The following TMEM178A variants were observed in gnomAD, a reference collection of about 807,000 sequenced individuals.
TMEM178A encodes the protein transmembrane protein 178A.
A neutral mutation model predicts 29.1 loss-of-function variants in TMEM178A; 12 were observed. That is an observed-to-expected ratio of 0.41 (90% confidence interval 0.26 to 0.67). TMEM178A has a LOEUF of 0.67. TMEM178A is among the 30% of genes least tolerant of loss of function. The pLI is 0.29. For missense variants in TMEM178A, 366 were observed against 419.1 expected, an observed-to-expected ratio of 0.87 and a Z score of 1.11; for synonymous variants, 210 against 187.2, an observed-to-expected ratio of 1.12 and a Z score of -0.99.
At chr2:39,695,560 T>C (rs1441436200) in intron 1 of TMEM178A, among the ~76,000 whole-genome samples, 1 of 151,674 alleles carries the variant, frequency 6.6e-6, no homozygotes, top group Non-Finnish European at 1.5e-5. Flanking sequence ...GTTTTTGGAC[T>C]GTTCTAAAGT....
chr2:39,707,556 C>T (rs910502447), intron 3 of TMEM178A, among the ~76,000 whole-genome samples: 4 of 152,222 alleles, frequency 2.6e-5, no homozygotes, highest in African/African-American at 9.6e-5. Context: ...ACTGCAACCT[C>T]TGTCTCCTGG....
At chr2:39,666,597 G>A (rs892373160) in intron 1 of TMEM178A, among the ~76,000 whole-genome samples, 1 of 151,850 alleles carries the variant, frequency 6.6e-6, no homozygotes, top group Non-Finnish European at 1.5e-5. Flanking sequence ...TCCACATCCT[G>A]CGCGTCCTTT....
chr2:39,686,982 T>C (rs1385208280), intron 1 of TMEM178A, among the ~76,000 whole-genome samples: 1 of 143,114 alleles, frequency 7.0e-6, no homozygotes, highest in African/African-American at 2.8e-5. Context: ...TGTGTGTGTG[T>C]GTGTGTGTGT....
the TMEM178A span, among the ~76,000 whole-genome samples, chr2:39,724,490 T>A: frequency 1.3e-5 from 2 of 152,124 alleles, no homozygotes; most frequent in Non-Finnish European, 2.9e-5. Flanking sequence ...GTGAACTAAT[T>A]TAAAAAACAT....
the TMEM178A span, among the ~76,000 whole-genome samples, chr2:39,735,409 C>G: frequency 6.6e-6 from 1 of 152,150 alleles, no homozygotes; most frequent in Non-Finnish European, 1.5e-5. Flanking sequence ...CAAGTTCTAC[C>G]AAAAGCAGAT....
the TMEM178A span, among the ~76,000 whole-genome samples, chr2:39,734,141 C>T: frequency 6.6e-6 from 1 of 152,140 alleles, no homozygotes; most frequent in Admixed American, 6.6e-5. Flanking sequence ...AGCTCTTTTC[C>T]TATTTTTTCT....
chr2:39,710,712 G>T (rs926915273), intron 3 of TMEM178A, among the ~76,000 whole-genome samples: 1 of 152,200 alleles, frequency 6.6e-6, no homozygotes, highest in Non-Finnish European at 1.5e-5. Flanking sequence ...AGGGTTAAAA[G>T]AATCGATTTT....
At chr2:39,680,419 T>C (rs564680094) in intron 1 of TMEM178A, among the ~76,000 whole-genome samples, 131 of 152,344 alleles carry the variant, frequency 8.6e-4, no homozygotes, top group Non-Finnish European at 1.6e-3. Flanking sequence ...TGCTTTCTTA[T>C]TGCTAATTTT....
intron 1 of TMEM178A, among the ~76,000 whole-genome samples, chr2:39,696,086 G>A (rs1275615790): frequency 1.3e-5 from 2 of 152,116 alleles, no homozygotes; most frequent in Admixed American, 1.3e-4. Flanking sequence ...TTACTGATGG[G>A]CAACTGAGAC....
intron 1 of TMEM178A, among the ~76,000 whole-genome samples, chr2:39,695,625 A>G (rs1264068579): frequency 1.3e-5 from 2 of 151,740 alleles, no homozygotes; most frequent in Non-Finnish European, 2.9e-5. Flanking sequence ...CCAGGGGACA[A>G]TTTGGGGAGG....
the TMEM178A span, among the ~76,000 whole-genome samples, chr2:39,727,240 C>T: frequency 2.3e-4 from 35 of 152,272 alleles, 1 homozygote; most frequent in East Asian, 5.8e-3. Context: ...TCAGGCAGGG[C>T]CAGTTTACCA....
At chr2:39,728,704 TTCAAG>T in the TMEM178A span, among the ~76,000 whole-genome samples, 1 of 151,798 alleles carries the variant, frequency 6.6e-6, no homozygotes, top group Admixed American at 6.6e-5. Flanking sequence ...TGTCACTCAC[TTCAAG>T]TCAAGAAATG....
intron 3 of TMEM178A, among the ~76,000 whole-genome samples, chr2:39,712,173 T>G (rs1360540788): frequency 2.0e-5 from 3 of 151,918 alleles, no homozygotes; most frequent in Non-Finnish European, 4.4e-5. Context: ...CATGAGGCAT[T>G]TGAAGGAAGA....
At chr2:39,668,895 T>C (rs1368122910) in intron 1 of TMEM178A, among the ~76,000 whole-genome samples, 5 of 152,224 alleles carry the variant, frequency 3.3e-5, no homozygotes. Flanking sequence ...GGCTCAAAGA[T>C]GATTTTGGCA....
upstream of TMEM178A, chr2:39,665,864 G>A (rs1162135354): frequency 2.2e-5 from 22 of 1,002,864 alleles, no homozygotes; most frequent in East Asian, 1.7e-4. Context: ...GGAGGGAGGT[G>A]GGGGGCAGGT....
At chr2:39,730,775 A>C in the TMEM178A span, among the ~76,000 whole-genome samples, 1 of 152,052 alleles carries the variant, frequency 6.6e-6, no homozygotes, top group South Asian at 2.1e-4. Context: ...GGGAGCCCAG[A>C]CACTCTAGTG....
chr2:39,678,138 T>C (rs1320815584), intron 1 of TMEM178A, among the ~76,000 whole-genome samples: 1 of 152,230 alleles, frequency 6.6e-6, no homozygotes, highest in Non-Finnish European at 1.5e-5. Context: ...AAATACAATG[T>C]TATGTCTTTC....
At chr2:39,730,247 C>T in the TMEM178A span, among the ~76,000 whole-genome samples, 2 of 152,102 alleles carry the variant, frequency 1.3e-5, no homozygotes, top group African/African-American at 4.8e-5. Flanking sequence ...AGGGTTTCCA[C>T]GAATGACCCT....
At chr2:39,700,787 A>G (rs556407869) in intron 1 of TMEM178A, among the ~76,000 whole-genome samples, 1 of 150,496 alleles carries the variant, frequency 6.6e-6, no homozygotes, top group East Asian at 1.9e-4. Context: ...CATATTTTCT[A>G]ATATGGCTTT....
Sources: allele counts gnomAD v4.1 joint callset (sites outside exome capture counted in the v4.1 genomes callset), GRCh38; gene constraint gnomAD v4.1.1; transcripts MANE v1.5; gene names NCBI Gene and HGNC (gene_info 2026-07-23, HGNC 2026-07-21).